The following C1orf56 variants were observed in gnomAD, a reference collection of about 807,000 sequenced individuals.
The protein encoded by C1orf56 is protein MENT.
C1orf56 carries 14 observed loss-of-function variants against 20.7 expected under a neutral mutation model. That is an observed-to-expected ratio of 0.68 (90% CI 0.45 to 1.06). The LOEUF (loss-of-function observed/expected upper bound fraction) is 1.06, where lower values mean the gene tolerates loss of function less well. Among genes scored for constraint, C1orf56 ranks in the 50% least tolerant of loss-of-function variants. C1orf56 has a pLI of 0.00. For synonymous variants in C1orf56, 187 were observed against 194.7 expected (o/e 0.96, Z 0.33); for missense variants, 424 against 451.4 (o/e 0.94, Z 0.55).
At chr1:151,049,903 T>C (rs587742334) in intron 1 of C1orf56, among the ~76,000 whole-genome samples, 2 of 152,370 alleles carry the variant, frequency 1.3e-5, no homozygotes, top group Non-Finnish European at 2.9e-5. Context: ...TTTGACCTAA[T>C]ACAGCTTAAC....
Position 151,048,138 on chromosome 1 carries a change from G to A in C1orf56, c.291G>A (p.Ser97=), listed in dbSNP as rs760200000. The A allele has an allele frequency of 8.1e-6, 13 of 1,613,624 alleles. No individual in the cohort carries two copies. In the East Asian group the frequency reaches 2.5e-4, roughly 30 times the overall value. The stretch of plus-strand genomic sequence containing the variant: ...CGGTGTCCACCGGCTTTAGCCGGTC[G>A]TCCGCCATTAACGAGGAGGATGGGT... The part of the protein sequence containing the change: ...AATVSTGFSR[S]SAINEEDGSS... The change falls in exon 1 of 2, where the codon TCG becomes TCA. Residue 97 remains serine, a synonymous_variant. Transcript: ENST00000368926. The surrounding 1 kb of genome is among the most constrained non-coding windows in gnomAD (Gnocchi z 4.8).
Position 151,047,915 on chromosome 1 carries a change from C to T in C1orf56, c.68C>T (p.Ala23Val), listed in dbSNP as rs1448550121. Residue 23 changes from alanine to valine, a missense_variant, in exon 1 of 2, where the codon GCC (alanine) becomes GTC (valine). By Grantham distance (64) the Ala-to-Val change is moderately conservative. Transcript: ENST00000368926. ...LLNLGPRAAG[A>V]QGLTQTPTEM... ...AATCTGGGTCCCCGGGCGGCGGGGG[C>T]CCAAGGCCTGACCCAGACTCCGACC... 2 of 1,611,446 alleles carry T rather than the reference C, an allele frequency of 1.2e-6. No homozygotes were observed. Among genetic ancestry groups the T allele is most frequent in the Non-Finnish European group, 1.7e-6 (2 of 1,179,140 alleles).
In C1orf56 at chr1:151,048,528, C is replaced by T. The variant is rs757290879; in HGVS notation, c.681C>T (p.His227=). Residue 227 remains histidine (H), a synonymous_variant, in exon 1 of 2, where the codon CAC becomes CAT. Transcript: ENST00000368926. The surrounding 1 kb of genome is among the most constrained non-coding windows in gnomAD (Gnocchi z 4.8). ...TMSRSRSGKL[H]GLSGRLRVGA... is the part of the protein sequence containing the mutation. ...GCCGGAGCCGGTCTGGGAAGCTGCA[C>T]GGCCTTTCCGGGCGCCTTCGAGTTG... 8 of 1,612,930 alleles carry T rather than the reference C, an allele frequency of 5.0e-6. No individual in the cohort carries two copies. Among genetic ancestry groups the T allele is most frequent in the South Asian group, 2.2e-5 (2 of 91,088 alleles).
Position 151,048,513 on chromosome 1 carries a change from G to C in C1orf56, c.666G>C (p.Arg222=), listed in dbSNP as rs764291586. 1.9e-6 allele frequency: 3 copies of C among 1,611,812 alleles called. No homozygotes were observed. Among genetic ancestry groups the C allele is most frequent in the East Asian group, 2.2e-5 (1 of 44,900 alleles). Residue 222 remains arginine, a synonymous_variant, in exon 1 of 2, where the codon CGG becomes CGC. Transcript: ENST00000368926. This position sits in a 1 kb window ranked among gnomAD's most constrained non-coding sequence, Gnocchi z 4.8. ...AGTCGGGCACCATGAGCCGGAGCCGGTCTGGGAAGCTGCACGGCCTTTCCG... is the reference window on the plus strand; with the variant it reads ...AGTCGGGCACCATGAGCCGGAGCCGCTCTGGGAAGCTGCACGGCCTTTCCG... The part of the protein sequence containing the change: ...HCKSGTMSRS[R]SGKLHGLSGR...
chr1:151,050,691 G>A lies in C1orf56; in HGVS notation c.*233G>A, dbSNP rs587762475. The A allele has an allele frequency of 7.4e-6, 3 of 407,894 alleles. No individual in the cohort carries two copies. Among genetic ancestry groups the A allele is most frequent in the East Asian group, 3.6e-5 (1 of 27,834 alleles). 25.3% of individuals were successfully genotyped at this position (407,894 alleles called of 1,614,324 possible). ...CTTGTTTTCTACTCCCTGTCCCTCA[G>A]GATAAAATGTTGATATTGCTCATTT... is the stretch of plus-strand genomic sequence containing the variant. On this transcript the variant is annotated 3_prime_UTR_variant, in exon 2 of 2. Transcript: ENST00000368926.
In C1orf56 at chr1:151,047,852, T is replaced by TC. The variant is rs1484008947; in HGVS notation, c.9dup (p.Ala4ArgfsTer66). On this transcript the variant is annotated frameshift_variant, in exon 1 of 2. Transcript: ENST00000368926. LOFTEE classifies it high-confidence loss of function. ...CAACCCCAAGAGCCCAGCCCCATGG[T>TC]CCCCGCCGCCGGCGCGCTGCTGTGG... The TC allele has an allele frequency of 6.4e-7, 1 of 1,574,130 alleles. No homozygotes were observed. The highest frequency in any genetic ancestry group is 2.3e-5 in the East Asian group (1 of 44,440).
In C1orf56 at chr1:151,048,951, A is replaced by G. The variant is rs1340927393; in HGVS notation, c.1005+99A>G. Reference sequence around the variant, plus strand: ...AAGCCAGCCAGTGTTGCTTACATGAACTGTTACTGACTTACCTGGTTATTG... The same window carrying G: ...AAGCCAGCCAGTGTTGCTTACATGAGCTGTTACTGACTTACCTGGTTATTG... On this transcript the variant is annotated intron_variant, in intron 1 of 1. Transcript: ENST00000368926. The surrounding 1 kb of genome is among the most constrained non-coding windows in gnomAD (Gnocchi z 4.8). 2 of 1,463,658 alleles carry G rather than the reference A, an allele frequency of 1.4e-6. No individual in the cohort carries two copies. Among genetic ancestry groups the G allele is most frequent in the Non-Finnish European group, 1.8e-6 (2 of 1,103,544 alleles). 90.7% of individuals were successfully genotyped at this position (1,463,658 alleles called of 1,614,324 possible). A position where few individuals can be genotyped will look rare whatever the true frequency, so the allele number is the denominator to read the frequency against.
chr1:151,048,649 C>T lies in C1orf56; in HGVS notation c.802C>T (p.Leu268Phe). The T allele has an allele frequency of 6.8e-6, 11 of 1,613,974 alleles. No individual in the cohort carries two copies. The highest frequency in any genetic ancestry group is 9.3e-6 in the Non-Finnish European group (11 of 1,179,916). ...GGAAGAGTGCCCCCTGGACACAAGT[C>T]TCTGTACTGACACCAACTGTGCCTC... ...LREECPLDTS[L>F]CTDTNCASQS... Residue 268 changes from leucine (L) to phenylalanine (F), a missense_variant, in exon 1 of 2, where the codon CTC (leucine) becomes TTC (phenylalanine). By Grantham distance (22) the Leu-to-Phe change is conservative (BLOSUM62 0). Transcript: ENST00000368926. This position sits in a 1 kb window ranked among gnomAD's most constrained non-coding sequence, Gnocchi z 4.8.
rs587600942 is a variant in C1orf56 at position 151,051,300 on chromosome 1, T to G, written c.*842T>G. 1 of 143,372 alleles carries G rather than the reference T, an allele frequency of 7.0e-6. No homozygotes were observed. The highest frequency in any genetic ancestry group is 2.6e-5 in the African/African-American group (1 of 38,674). 8.9% of individuals were successfully genotyped at this position (143,372 alleles called of 1,614,324 possible). On this transcript the variant is annotated 3_prime_UTR_variant, in exon 2 of 2. Transcript: ENST00000368926. The stretch of plus-strand genomic sequence containing the variant: ...TTTAGAGCAACAAGCTGGGTTACTT[T>G]CAGAGCAACCAGCTTGACTGGAACT...
chr1:151,048,852 A>G lies in C1orf56; in HGVS notation c.1005A>G (p.Pro335=). The change falls in exon 1 of 2, where the codon CCA becomes CCG. Residue 335 remains proline (P), a splice_region_variant and synonymous_variant. Coordinates refer to ENST00000368926, the MANE Select transcript of C1orf56 (RefSeq NM_017860.5). This position sits in a 1 kb window ranked among gnomAD's most constrained non-coding sequence, Gnocchi z 4.8. The stretch of plus-strand genomic sequence containing the variant: ...CTTCAGTGTTCACAGAGATGCAACC[A>G]GTAAGTGTTTGGTGATGAGCCAGGG... The part of the protein sequence containing the change: ...SLSSVFTEMQ[P]IDRNQR 6.5e-7 allele frequency: 1 copy of G among 1,540,646 alleles called. No individual in the cohort carries two copies. Among genetic ancestry groups the G allele is most frequent in the Non-Finnish European group, 8.8e-7 (1 of 1,142,264 alleles).
rs1558107008 is a variant in C1orf56, at chr1:151,050,495, C to G, written c.*37C>G. On this transcript the variant is annotated 3_prime_UTR_variant, in exon 2 of 2. Coordinates refer to ENST00000368926, the MANE Select transcript of C1orf56 (RefSeq NM_017860.5). ...TCCACATGAGGAGATGTCAGTATCT[C>G]AACCTCTCTTGCCCTTTCAATCCTA... The G allele has an allele frequency of 8.1e-6, 13 of 1,595,098 alleles. No homozygotes were observed. Among genetic ancestry groups the G allele is most frequent in the Non-Finnish European group, 1.1e-5 (13 of 1,169,364 alleles).
rs779123317 is a variant in C1orf56, at chr1:151,048,319, C to T, written c.472C>T (p.Pro158Ser). The change falls in exon 1 of 2, where the codon CCC becomes TCC. Residue 158 changes from proline to serine, a missense_variant. Physicochemically the swap from Pro to Ser is moderately conservative, Grantham distance 74 (BLOSUM62 -1). Transcript: ENST00000368926. This position sits in a 1 kb window ranked among gnomAD's most constrained non-coding sequence, Gnocchi z 4.8. ...IRLTSSLPRS[P>S]GRSTEDLPGS... is the part of the protein sequence containing the mutation. ...GCTGACTTCAAGCCTGCCGCGCTCC[C>T]CCGGGAGGTCTACTGAGGACCTGCC... The T allele has an allele frequency of 1.9e-6, 3 of 1,614,166 alleles. No homozygotes were observed. The highest frequency in any genetic ancestry group is 3.3e-5 in the Admixed American group (2 of 60,032).
chr1:151,049,300 AGAGAC>A (rs1676128108), intron 1 of C1orf56, among the ~76,000 whole-genome samples: 1 of 137,478 alleles, frequency 7.3e-6, no homozygotes, highest in Admixed American at 7.6e-5. Context: ...TTTTTTTAGA[AGAGAC>A]AGCATTTTAC....
rs1016598874 is a variant in C1orf56, at chr1:151,048,716, C to T, written c.869C>T (p.Pro290Leu). ...TSTRTTTTPFPTIHLRSSPSL... is the reference protein window; with the variant it reads ...TSTRTTTTPFLTIHLRSSPSL... Reference sequence around the variant, plus strand: ...ACCAGGACCACCACTACCCCCTTCCCCACCATCCACCTCAGAAGCAGTCCC... The same window carrying T: ...ACCAGGACCACCACTACCCCCTTCCTCACCATCCACCTCAGAAGCAGTCCC... The change falls in exon 1 of 2, where the codon CCC becomes CTC. Residue 290 changes from proline (P) to leucine (L), a missense_variant. By Grantham distance (98) the Pro-to-Leu change is moderately conservative. Coordinates refer to ENST00000368926, the MANE Select transcript of C1orf56 (RefSeq NM_017860.5). The surrounding 1 kb of genome is among the most constrained non-coding windows in gnomAD (Gnocchi z 4.8). 1 of 1,612,544 alleles carries T rather than the reference C, an allele frequency of 6.2e-7. No individual in the cohort carries two copies. The highest frequency in any genetic ancestry group is 8.5e-7 in the Non-Finnish European group (1 of 1,179,154).
Position 151,048,791 on chromosome 1 carries a change from T to C in C1orf56, c.944T>C (p.Val315Ala), listed in dbSNP as rs1477844152. ...PCPALAFWKR[V>A]RIGLEDIWNS... Reference sequence around the variant, plus strand: ...CCAGCCCTGGCTTTTTGGAAACGGGTCAGGATTGGCCTGGAGGATATTTGG... The same window carrying C: ...CCAGCCCTGGCTTTTTGGAAACGGGCCAGGATTGGCCTGGAGGATATTTGG... The change falls in exon 1 of 2, where the codon GTC (valine) becomes GCC (alanine). Residue 315 changes from valine (V) to alanine (A), a missense_variant. Val to Ala is a moderately conservative substitution (Grantham distance 64). Transcript: ENST00000368926. This position sits in a 1 kb window ranked among gnomAD's most constrained non-coding sequence, Gnocchi z 4.8. 2.5e-6 allele frequency: 4 copies of C among 1,611,980 alleles called. No homozygotes were observed. The highest frequency in any genetic ancestry group is 3.4e-5 in the Admixed American group (2 of 59,686).
chr1:151,049,296 T>TTA, intron 1 of C1orf56, among the ~76,000 whole-genome samples: 1 of 150,750 alleles, frequency 6.6e-6, no homozygotes, highest in East Asian at 2.0e-4. Flanking sequence ...TTTTTTTTTT[T>TTA]AGAAGAGACA....
Position 151,047,893 on chromosome 1 carries a change from C to T in C1orf56, c.46C>T (p.Leu16=). 1 of 1,606,300 alleles carries T rather than the reference C, an allele frequency of 6.2e-7. No homozygotes were observed. Among genetic ancestry groups the T allele is most frequent in the South Asian group, 1.1e-5 (1 of 90,270 alleles). Reference sequence around the variant, plus strand: ...GCTGCTGTGGGTCCTGCTGCTGAATCTGGGTCCCCGGGCGGCGGGGGCCCA... The same window carrying T: ...GCTGCTGTGGGTCCTGCTGCTGAATTTGGGTCCCCGGGCGGCGGGGGCCCA... The part of the protein sequence containing the change: ...GALLWVLLLN[L]GPRAAGAQGL... Residue 16 remains leucine, a synonymous_variant, in exon 1 of 2, where the codon CTG becomes TTG. Transcript: ENST00000368926.
In C1orf56 at chr1:151,048,054, T is replaced by C; in HGVS notation, c.207T>C (p.Asp69=). The change falls in exon 1 of 2, where the codon GAT becomes GAC. Residue 69 remains aspartate, a synonymous_variant. Coordinates refer to ENST00000368926, the MANE Select transcript of C1orf56 (RefSeq NM_017860.5). The surrounding 1 kb of genome is among the most constrained non-coding windows in gnomAD (Gnocchi z 4.8). ...GGATAATCCTAGAGGACGAGAATGA[T>C]GCCATGGCCGACGCCGACCGCCTGG... is the stretch of plus-strand genomic sequence containing the variant. ...KTRIILEDEN[D]AMADADRLAG... is the part of the protein sequence containing the mutation. The C allele has an allele frequency of 6.2e-7, 1 of 1,614,082 alleles. No individual in the cohort carries two copies. The highest frequency in any genetic ancestry group is 1.3e-5 in the African/African-American group (1 of 75,052).
chr1:151,049,363 C>T (rs1469363234), intron 1 of C1orf56, among the ~76,000 whole-genome samples: 4 of 151,732 alleles, frequency 2.6e-5, no homozygotes, highest in African/African-American at 9.7e-5. Context: ...GTGATCCACC[C>T]GCCTCGGCCT....
Sources: allele counts gnomAD v4.1 joint callset (sites outside exome capture counted in the v4.1 genomes callset), GRCh38; gene constraint gnomAD v4.1.1; non-coding constraint Gnocchi (gnomAD v3.1); transcripts MANE v1.5; gene names NCBI Gene and HGNC (gene_info 2026-07-23, HGNC 2026-07-21).